MUSK: variants seen among roughly 807,000 people sequenced by gnomAD.
MUSK encodes muscle associated receptor tyrosine kinase, also known as muscle, skeletal receptor tyrosine-protein kinase.
MUSK carries 55 observed loss-of-function variants against 88.7 expected under a neutral mutation model. The observed-to-expected ratio is 0.62, with a 90% CI of 0.50 to 0.78. The LOEUF is 0.78. MUSK is among the 30% of genes least tolerant of loss of function. MUSK has a pLI of 0.00. For synonymous variants in MUSK, 387 were observed against 391.9 expected, an observed-to-expected ratio of 0.99 and a Z score of 0.15; for missense variants, 1,015 against 1,074.3, an observed-to-expected ratio of 0.94 and a Z score of 0.77.
At chr9:110,682,937 G>A (rs940913555) in intron 2 of MUSK, 137 bp downstream of exon 2, 4 of 521,604 alleles carry the variant, frequency 7.7e-6, no homozygotes, top group Admixed American at 3.5e-5. Flanking sequence ...TGGAGAATGG[G>A]GTATCCATCC....
Position 110,800,926 on chromosome 9 carries a change from A to G in MUSK, c.2548A>G (p.Thr850Ala), listed in dbSNP as rs1452311017. Residue 850 changes from threonine to alanine, a missense_variant, in exon 15 of 15, where the codon ACC becomes GCC. By Grantham distance (58) the Thr-to-Ala change is moderately conservative (BLOSUM62 0). Coordinates refer to ENST00000374448, the MANE Select transcript of MUSK (RefSeq NM_005592.4). The part of the protein sequence containing the change: ...SKLPADRPSF[T>A]SIHRILERMC... The stretch of plus-strand genomic sequence containing the variant: ...GCTGCCTGCAGACAGACCCAGTTTC[A>G]CCAGTATTCACCGAATTCTGGAACG... 2.0e-6 allele frequency: 3 copies of G among 1,531,010 alleles called. No individual in the cohort carries two copies. The highest frequency in any genetic ancestry group is 1.3e-5 in the South Asian group (1 of 76,262). The allele number at this position is 1,531,010 out of a possible 1,614,324, so 94.8% of individuals were successfully genotyped here.
intron 8 of MUSK, among the ~76,000 whole-genome samples, chr9:110,763,493 G>A (rs1444025423): frequency 6.6e-6 from 1 of 152,162 alleles, no homozygotes; most frequent in South Asian, 2.1e-4. Context: ...GGTTGTACTT[G>A]CTGACCCCTG....
chr9:110,712,807 A>G (rs1325398341), intron 5 of MUSK, among the ~76,000 whole-genome samples: 1 of 152,212 alleles, frequency 6.6e-6, no homozygotes, highest in Non-Finnish European at 1.5e-5. Context: ...GCAATGAGGT[A>G]ATTCTTAAGG....
chr9:110,768,093 C>A lies in MUSK; in HGVS notation c.1184+10C>A. The A allele has an allele frequency of 6.3e-7, 1 of 1,578,968 alleles. No homozygotes were observed. Among genetic ancestry groups the A allele is most frequent in the South Asian group, 1.2e-5 (1 of 86,646 alleles). ...CTATTCCCATTTGCAGGTAAAATCT[C>A]AAAAATAAGTCAAAGGAAAAATTCC... On this transcript the variant is annotated intron_variant, in intron 9 of 14. Coordinates refer to ENST00000374448, the MANE Select transcript of MUSK (RefSeq NM_005592.4).
intron 7 of MUSK, among the ~76,000 whole-genome samples, chr9:110,748,977 T>TC (rs2077213700): frequency 6.6e-6 from 1 of 152,110 alleles, no homozygotes; most frequent in Non-Finnish European, 1.5e-5. Flanking sequence ...AAATTATTTC[T>TC]CCCAGAAAAT....
chr9:110,688,089 C>A (rs7873260), intron 3 of MUSK, among the ~76,000 whole-genome samples: 27,219 of 152,028 alleles, frequency 0.18, 2,953 homozygotes, highest in Non-Finnish European at 0.23. Flanking sequence ...TTAAACCATT[C>A]TATTTTGTAT....
rs768514590 is a variant in MUSK at position 110,687,138 on chromosome 9, C to T, written c.228C>T (p.Ser76=). The T allele has an allele frequency of 6.2e-7, 1 of 1,613,538 alleles. No individual in the cohort carries two copies. The highest frequency in any genetic ancestry group is 8.5e-7 in the Non-Finnish European group (1 of 1,179,620). Residue 76 remains serine (S), a synonymous_variant, in exon 3 of 15, where the codon AGC becomes AGT. Transcript: ENST00000374448. ...ILIKLFDTRY[S]IRENGQLLTI... The stretch of plus-strand genomic sequence containing the variant: ...GCAGACTCTTTGACACCCGGTACAG[C>T]ATCCGGGAGAATGGGCAGCTCCTCA...
chr9:110,752,626 C>G (rs759860155), intron 7 of MUSK, among the ~76,000 whole-genome samples: 7 of 152,222 alleles, frequency 4.6e-5, no homozygotes, highest in Non-Finnish European at 5.9e-5. Flanking sequence ...TGTCATGTTC[C>G]TCGTGTTTCC....
chr9:110,703,577 G>GA (rs2076558568), intron 5 of MUSK, among the ~76,000 whole-genome samples: 1 of 151,560 alleles, frequency 6.6e-6, no homozygotes, highest in South Asian at 2.1e-4. Context: ...AGGCGGTTTT[G>GA]ATAAATAATT....
chr9:110,697,192 T>C lies in MUSK; in HGVS notation c.487-133T>C, dbSNP rs41279049. 0.15 allele frequency: 127,283 copies of C among 860,610 alleles called. 10,516 individuals carry two copies. Among genetic ancestry groups the C allele is most frequent in the East Asian group, 0.18 (7,129 of 39,474 alleles). The allele number at this position is 860,610 out of a possible 1,614,324, so 53.3% of individuals were successfully genotyped here. The stretch of plus-strand genomic sequence containing the variant: ...ATTTAATATTGTATGTTTTACATAA[T>C]AAGTGGCCAATAAAGGTCAAAGCGA... On this transcript the variant is annotated intron_variant, in intron 4 of 14. Transcript: ENST00000374448.
rs1050781611 is a variant in MUSK, at chr9:110,707,011, T to TAG, written c.628+9561_628+9562dup. 3.0e-3 allele frequency among the ~76,000 whole-genome samples: 428 copies of TAG among 142,766 alleles called. 2 individuals carry two copies. The highest frequency in any genetic ancestry group is 0.01 in the African/African-American group (400 of 38,514). The allele number at this position is 142,766 out of a possible 152,430, so 93.7% of individuals were successfully genotyped here. A position where few individuals can be genotyped will look rare whatever the true frequency, so the allele number is the denominator to read the frequency against. On this transcript the variant is annotated intron_variant, in intron 5 of 14. Transcript: ENST00000374448. ...AGATTGAGACCCTGTCTCAAAAAAATAGAGAGAGAGAGAGAGAAACAAATA... is the reference window on the plus strand; with the variant it reads ...AGATTGAGACCCTGTCTCAAAAAAATAGAGAGAGAGAGAGAGAGAAACAAATA...
At chr9:110,712,555 C>A (rs1314062599) in intron 5 of MUSK, among the ~76,000 whole-genome samples, 1 of 152,088 alleles carries the variant, frequency 6.6e-6, no homozygotes, top group Non-Finnish European at 1.5e-5. Context: ...GGATGCATTC[C>A]CCAGTTATTC....
chr9:110,702,775 C>T (rs930943083), intron 5 of MUSK, among the ~76,000 whole-genome samples: 1 of 152,034 alleles, frequency 6.6e-6, no homozygotes, highest in Non-Finnish European at 1.5e-5. Flanking sequence ...TGCCTCTAGT[C>T]TCAACTATTT....
chr9:110,695,978 T>C (rs1458198883), intron 4 of MUSK, among the ~76,000 whole-genome samples: 1 of 152,116 alleles, frequency 6.6e-6, no homozygotes, highest in Non-Finnish European at 1.5e-5. Flanking sequence ...TCAAGACTCA[T>C]ACACAAATAC....
chr9:110,671,918 G>A (rs559898527), intron 1 of MUSK, among the ~76,000 whole-genome samples: 5 of 152,282 alleles, frequency 3.3e-5, no homozygotes, highest in South Asian at 2.1e-4. Context: ...ACTACAATAC[G>A]TTGAAGTGTT....
chr9:110,763,903 G>A (rs893752458), intron 8 of MUSK, among the ~76,000 whole-genome samples: 1 of 152,166 alleles, frequency 6.6e-6, no homozygotes, highest in Non-Finnish European at 1.5e-5. Flanking sequence ...TCAAAGTAGA[G>A]AGAAATAGGA....
intron 6 of MUSK, among the ~76,000 whole-genome samples, chr9:110,740,710 T>C (rs1261114042): frequency 6.6e-6 from 1 of 152,174 alleles, no homozygotes; most frequent in African/African-American, 2.4e-5. Flanking sequence ...GGCATCTCCA[T>C]GTAATAAGTT....
At chr9:110,800,228 G>A in intron 14 of MUSK, 78 bp from the exon 15 acceptor site, 1 of 1,282,804 alleles carries the variant, frequency 7.8e-7, no homozygotes, top group Non-Finnish European at 1.1e-6. Context: ...TTCTGACATG[G>A]TCGTTTGCTT....
chr9:110,684,620 T>G (rs1166297499), intron 2 of MUSK, among the ~76,000 whole-genome samples: 1 of 152,096 alleles, frequency 6.6e-6, no homozygotes, highest in African/African-American at 2.4e-5. Context: ...ATATGGAATA[T>G]TTTTCCATTT....
Sources: allele counts gnomAD v4.1 joint callset (sites outside exome capture counted in the v4.1 genomes callset), GRCh38; gene constraint gnomAD v4.1.1; transcripts MANE v1.5; gene names NCBI Gene and HGNC (gene_info 2026-07-23, HGNC 2026-07-21).